NRXN1: variants seen among roughly 807,000 people sequenced by gnomAD.
NRXN1 encodes neurexin 1, also known as neurexin-1.
NRXN1 carries 39 observed loss-of-function variants against 150.9 expected under a neutral mutation model. The ratio of observed to expected loss-of-function variants is 0.26; its 90% CI spans 0.20 to 0.34. NRXN1 has a LOEUF of 0.34. Ranked by LOEUF, NRXN1 falls within the 10% of genes least tolerant of loss-of-function variation. The pLI is 1.00. For missense variants in NRXN1, 1,815 were observed against 1,949.9 expected, an observed-to-expected ratio of 0.93 and a Z score of 1.30; for synonymous variants, 924 against 757.0, an observed-to-expected ratio of 1.22 and a Z score of -3.62.
At chr2:50,038,384 C>T (rs1377147294) in intron 21 of NRXN1, among the ~76,000 whole-genome samples, 1 of 152,194 alleles carries the variant, frequency 6.6e-6, no homozygotes, top group African/African-American at 2.4e-5. Flanking sequence ...TCTCTCTCAT[C>T]TGTCCTGGAA....
At chr2:50,204,769 A>T (rs2062442522) in intron 18 of NRXN1, among the ~76,000 whole-genome samples, 1 of 152,026 alleles carries the variant, frequency 6.6e-6, no homozygotes, top group Non-Finnish European at 1.5e-5. Context: ...AGACACACTC[A>T]GGAGCCAAAA....
In NRXN1 at chr2:50,823,796, A is replaced by G. The variant is rs535191824; in HGVS notation, c.832+98073T>C. Reference sequence around the variant, plus strand: ...GTAAGCACACAAAATGAAGGATTCAATGTTAAAGAATCAAACAGAGATTTA... The same window carrying G: ...GTAAGCACACAAAATGAAGGATTCAGTGTTAAAGAATCAAACAGAGATTTA... On this transcript the variant is annotated intron_variant, in intron 5 of 22. Transcript: ENST00000401669. Among the ~76,000 whole-genome samples the G allele has an allele frequency of 3.9e-5, 6 of 152,300 alleles. No homozygotes were observed. In the South Asian group the frequency reaches 6.2e-4, roughly 16 times the overall value.
At chr2:50,486,719 T>C (rs1466287816) in intron 15 of NRXN1, among the ~76,000 whole-genome samples, 2 of 152,050 alleles carry the variant, frequency 1.3e-5, no homozygotes, top group East Asian at 1.9e-4. Flanking sequence ...GTTAGGAATA[T>C]TGATAACTAA....
chr2:50,531,898 T>A (rs771429886), intron 10 of NRXN1, among the ~76,000 whole-genome samples: 1 of 152,044 alleles, frequency 6.6e-6, no homozygotes, highest in Non-Finnish European at 1.5e-5. Context: ...TAGGCTGGAG[T>A]GCAGTGACAG....
At chr2:50,542,024 G>C (rs759690110) in intron 9 of NRXN1, among the ~76,000 whole-genome samples, 1 of 152,228 alleles carries the variant, frequency 6.6e-6, no homozygotes, top group Non-Finnish European at 1.5e-5. Flanking sequence ...GCTCATGCCT[G>C]TAATCCCAGC....
At chr2:50,827,083 C>T (rs550168408) in intron 5 of NRXN1, among the ~76,000 whole-genome samples, 1 of 152,084 alleles carries the variant, frequency 6.6e-6, no homozygotes, top group African/African-American at 2.4e-5. Flanking sequence ...GACTTGCTAC[C>T]GCTGAGTAAA....
intron 18 of NRXN1, among the ~76,000 whole-genome samples, chr2:50,230,465 A>C (rs1417067833): frequency 6.6e-6 from 1 of 152,074 alleles, no homozygotes; most frequent in Non-Finnish European, 1.5e-5. Context: ...TAACAAAGGA[A>C]TAATATGATC....
intron 6 of NRXN1, among the ~76,000 whole-genome samples, chr2:50,622,016 T>C (rs576977870): frequency 1.1e-4 from 17 of 152,220 alleles, no homozygotes; most frequent in East Asian, 3.9e-4. Context: ...TTCTCTCAAA[T>C]GAGCCTCTGG....
chr2:50,549,312 A>G (rs1667079953), intron 9 of NRXN1, among the ~76,000 whole-genome samples: 1 of 152,158 alleles, frequency 6.6e-6, no homozygotes, highest in Admixed American at 6.5e-5. Context: ...TAAAATATTA[A>G]CAGCTGCTAT....
chr2:50,060,510 G>C (rs1386639328), intron 19 of NRXN1, among the ~76,000 whole-genome samples: 1 of 152,150 alleles, frequency 6.6e-6, no homozygotes, highest in African/African-American at 2.4e-5. Context: ...TTGGGGAACT[G>C]CTGGGAAGGC....
intron 18 of NRXN1, among the ~76,000 whole-genome samples, chr2:50,091,901 G>T (rs2152698077): frequency 6.6e-6 from 1 of 152,288 alleles, no homozygotes; most frequent in South Asian, 2.1e-4. Flanking sequence ...AATGATGTCT[G>T]TTTAGAGCCC....
chr2:50,208,991 C>A (rs2062818515), intron 18 of NRXN1, among the ~76,000 whole-genome samples: 1 of 151,990 alleles, frequency 6.6e-6, no homozygotes, highest in East Asian at 1.9e-4. Flanking sequence ...TATTGCACAC[C>A]TCTTATTTCT....
intron 5 of NRXN1, chr2:50,912,220 T>A (rs1684623898): frequency 6.6e-6 from 1 of 151,864 alleles, no homozygotes; most frequent in Non-Finnish European, 1.5e-5. Flanking sequence ...AGGAGTGATC[T>A]CTTTTAAAGT....
intron 2 of NRXN1, among the ~76,000 whole-genome samples, chr2:51,004,846 A>T (rs943860245): frequency 6.6e-6 from 1 of 152,016 alleles, no homozygotes; most frequent in Non-Finnish European, 1.5e-5. Context: ...AAATAGAAAG[A>T]AAAGTGTGCT....
chr2:50,543,320 G>A (rs973949749), intron 9 of NRXN1, among the ~76,000 whole-genome samples: 5 of 152,006 alleles, frequency 3.3e-5, no homozygotes, highest in Non-Finnish European at 7.4e-5. Context: ...TTGGGGAAAA[G>A]TTCATATTTG....
intron 21 of NRXN1, among the ~76,000 whole-genome samples, chr2:49,995,873 A>G (rs981956503): frequency 2.9e-5 from 4 of 139,160 alleles, no homozygotes; most frequent in African/African-American, 1.0e-4. Flanking sequence ...AAAAAAAAAA[A>G]AAAAAAAAAA....
intron 5 of NRXN1, among the ~76,000 whole-genome samples, chr2:50,885,706 T>C (rs1195600916): frequency 3.3e-5 from 5 of 151,350 alleles, no homozygotes; most frequent in Non-Finnish European, 7.4e-5. Context: ...AGATAATTTA[T>C]TCCACTTAAA....
intron 5 of NRXN1, among the ~76,000 whole-genome samples, chr2:50,831,820 T>C (rs1671444230): frequency 1.3e-5 from 2 of 152,180 alleles, no homozygotes; most frequent in South Asian, 2.1e-4. Context: ...CTAAACTAGA[T>C]TGTACTTTTC....
intron 17 of NRXN1, among the ~76,000 whole-genome samples, chr2:50,238,462 G>T (rs2065679351): frequency 6.6e-6 from 1 of 151,914 alleles, no homozygotes; most frequent in Non-Finnish European, 1.5e-5. Context: ...ATATATACAT[G>T]ATTATACATA....
Sources: allele counts gnomAD v4.1 joint callset (sites outside exome capture counted in the v4.1 genomes callset), GRCh38; gene constraint gnomAD v4.1.1; transcripts MANE v1.5; gene names NCBI Gene and HGNC (gene_info 2026-07-23, HGNC 2026-07-21).